Variants in DTNB observed in about 807,000 individuals in gnomAD.
DTNB encodes DTN-B.
In DTNB, 63 loss-of-function variants were observed where a neutral mutation model predicts 90.7. That is an observed-to-expected ratio of 0.69 (90% confidence interval 0.57 to 0.86). DTNB has a LOEUF of 0.86. Among genes scored for constraint, DTNB ranks in the 40% least tolerant of loss-of-function variants. The pLI is 0.00. For missense variants in DTNB, 744 were observed against 807.1 expected (o/e 0.92, Z 0.95); for synonymous variants, 277 against 286.7 (o/e 0.97, Z 0.34).
intron 4 of DTNB, among the ~76,000 whole-genome samples, chr2:25,624,238 C>T (rs749104606): frequency 9.2e-5 from 14 of 152,290 alleles, no homozygotes; most frequent in Non-Finnish European, 1.5e-4. Context: ...AAATCTTAAG[C>T]GTATCTGATT....
intron 6 of DTNB, chr2:25,595,043 T>C (rs1219997150): frequency 2.6e-5 from 4 of 152,238 alleles, no homozygotes; most frequent in Admixed American, 1.3e-4. Context: ...TTTCATATTA[T>C]TGACACTTTT....
In DTNB at chr2:25,432,882, T is replaced by C. The variant is rs1186230583; in HGVS notation, c.1457+4A>G. The C allele has an allele frequency of 2.5e-5, 40 of 1,592,846 alleles. No individual in the cohort carries two copies. Among genetic ancestry groups the C allele is most frequent in the Non-Finnish European group, 3.4e-5 (40 of 1,170,516 alleles). On this transcript the variant is annotated splice_donor_region_variant and intron_variant, in intron 14 of 20. Transcript: ENST00000406818. ...GTGGCAAGTGGTAGAGTGTCCCTAC[T>C]CACCTCAGCAGCCGCAGCTCTGCCA... is the stretch of plus-strand genomic sequence containing the variant.
At chr2:25,475,004 G>C (rs536390515) in intron 10 of DTNB, among the ~76,000 whole-genome samples, 1 of 151,988 alleles carries the variant, frequency 6.6e-6, no homozygotes, top group Non-Finnish European at 1.5e-5. Context: ...CTCTTCTCAG[G>C]CCTCCCTATT....
At chr2:25,634,151 G>A (rs1174973026) in intron 3 of DTNB, among the ~76,000 whole-genome samples, 17 of 149,814 alleles carry the variant, frequency 1.1e-4, no homozygotes, top group Admixed American at 9.9e-4. Context: ...CCATCCGGGA[G>A]GTGAAGGGCG....
chr2:25,425,769 T>C (rs1370713100), intron 15 of DTNB, among the ~76,000 whole-genome samples: 1 of 152,240 alleles, frequency 6.6e-6, no homozygotes, highest in Admixed American at 6.5e-5. Context: ...GAGAAAGTAA[T>C]AGCAGGAGCA....
At chr2:25,613,842 C>T (rs534280124) in intron 4 of DTNB, among the ~76,000 whole-genome samples, 10 of 152,190 alleles carry the variant, frequency 6.6e-5, no homozygotes, top group South Asian at 4.2e-4. Context: ...CCAGTAATCC[C>T]GGCTACTCAG....
intron 4 of DTNB, among the ~76,000 whole-genome samples, chr2:25,627,676 C>T (rs973739491): frequency 6.6e-6 from 1 of 151,806 alleles, no homozygotes; most frequent in Non-Finnish European, 1.5e-5. Context: ...ATATGACATA[C>T]TCTAGGACAG....
chr2:25,419,406 A>G, intron 16 of DTNB, 109 bp downstream of exon 16: 2 of 1,516,488 alleles, frequency 1.3e-6, no homozygotes, highest in Non-Finnish European at 1.8e-6. Context: ...TACACATAAA[A>G]CCCTCTTCAG....
intron 10 of DTNB, among the ~76,000 whole-genome samples, chr2:25,474,565 A>T (rs1488879364): frequency 2.0e-5 from 3 of 151,784 alleles, no homozygotes; most frequent in Non-Finnish European, 4.4e-5. Flanking sequence ...ACAAAAACAT[A>T]GTGATTTTTG....
At chr2:25,382,519 C>CTTTTTTTTTTTT (rs3041261) in intron 19 of DTNB, among the ~76,000 whole-genome samples, 1 of 72,008 alleles carries the variant, frequency 1.4e-5, no homozygotes, top group African/African-American at 6.0e-5. Flanking sequence ...AGTTCTCTGC[C>CTTTTTTTTTTTT]TTTTTTTTTT....
intron 5 of DTNB, among the ~76,000 whole-genome samples, chr2:25,604,625 C>T (rs1336663676): frequency 2.6e-5 from 4 of 152,174 alleles, no homozygotes; most frequent in African/African-American, 9.7e-5. Flanking sequence ...GACAGTCTCA[C>T]TCCGTCGGCC....
intron 9 of DTNB, among the ~76,000 whole-genome samples, chr2:25,525,929 C>T (rs2077003744): frequency 6.6e-6 from 1 of 152,012 alleles, no homozygotes; most frequent in Non-Finnish European, 1.5e-5. Context: ...CAGCAAATTC[C>T]CACCCAATCC....
At chr2:25,530,942 T>G (rs1473333351) in intron 9 of DTNB, among the ~76,000 whole-genome samples, 2 of 152,246 alleles carry the variant, frequency 1.3e-5, no homozygotes, top group African/African-American at 4.8e-5. Context: ...TTTATTGTTC[T>G]CCTCTAGCTT....
intron 1 of DTNB, among the ~76,000 whole-genome samples, chr2:25,653,431 T>A (rs1308998794): frequency 3.6e-4 from 53 of 147,252 alleles, no homozygotes; most frequent in South Asian, 1.1e-3. Context: ...CGTTTTTTTT[T>A]TAAAAAAAAA....
At chr2:25,558,230 C>T (rs2057692240) in intron 8 of DTNB, 1 of 985,216 alleles carries the variant, frequency 1.0e-6, no homozygotes, top group African/African-American at 1.7e-5. Flanking sequence ...AGAGTTCAAC[C>T]CTAAATCTGT....
At chr2:25,672,286 A>G (rs139698003) in intron 1 of DTNB, among the ~76,000 whole-genome samples, 1 of 151,010 alleles carries the variant, frequency 6.6e-6, no homozygotes, top group Non-Finnish European at 1.5e-5. Flanking sequence ...AACCTTCCCT[A>G]ACACTAGAGT....
At chr2:25,628,982 T>C (rs1341351737) in intron 3 of DTNB, among the ~76,000 whole-genome samples, 2 of 152,192 alleles carry the variant, frequency 1.3e-5, no homozygotes, top group Non-Finnish European at 2.9e-5. Context: ...AGTAATAAAG[T>C]AGGCGCGGTA....
chr2:25,443,232 T>C (rs557697156), intron 12 of DTNB, among the ~76,000 whole-genome samples: 3 of 152,338 alleles, frequency 2.0e-5, no homozygotes, highest in African/African-American at 7.2e-5. Flanking sequence ...GGCTCCAGAC[T>C]GGGATCCATT....
chr2:25,577,063 A>T, intron 7 of DTNB, 59 bp from the exon 8 acceptor site: 1 of 1,460,704 alleles, frequency 6.8e-7, no homozygotes, highest in African/African-American at 1.4e-5. Flanking sequence ...ATAGAATAAA[A>T]GAAGAAAGAA....
Sources: gnomAD v4.1 joint callset for allele counts (sites outside exome capture counted in the v4.1 genomes callset) on GRCh38, gnomAD v4.1.1 for gene constraint, MANE v1.5 for transcripts, NCBI Gene and HGNC (gene_info 2026-07-23, HGNC 2026-07-21) for gene names.